PRKD1: variants seen among roughly 807,000 people sequenced by gnomAD.
PRKD1 encodes the protein protein kinase D1.
A neutral mutation model predicts 95.9 loss-of-function variants in PRKD1; 63 were observed. That is an observed-to-expected ratio of 0.66 (90% CI 0.54 to 0.81). The LOEUF is 0.81. Ranked by LOEUF, PRKD1 falls within the 30% of genes least tolerant of loss-of-function variation. The probability of loss-of-function intolerance (pLI) is 0.00; values close to 1 mark genes in which losing one functional copy is unlikely to be tolerated. For synonymous variants in PRKD1, 425 were observed against 423.1 expected (o/e 1.00, Z -0.05); for missense variants, 1,048 against 1,165.3 (o/e 0.90, Z 1.47).
At chr14:29,643,534 T>C (rs1880935328) in intron 4 of PRKD1, among the ~76,000 whole-genome samples, 2 of 152,334 alleles carry the variant, frequency 1.3e-5, no homozygotes, top group South Asian at 4.1e-4. Context: ...ATTTGTTTTT[T>C]AACCTAGTGT....
At chr14:29,826,130 A>C (rs12587158) in intron 1 of PRKD1, among the ~76,000 whole-genome samples, 109,284 of 147,512 alleles carry the variant, frequency 0.74, 40,592 homozygotes, top group Middle Eastern at 0.8. Context: ...GTCTCTCTCT[A>C]TATATATATA....
At chr14:29,745,634 AATT>A (rs750157850) in intron 1 of PRKD1, among the ~76,000 whole-genome samples, 1 of 151,328 alleles carries the variant, frequency 6.6e-6, no homozygotes, top group African/African-American at 2.4e-5. Flanking sequence ...ATGCCCAACT[AATT>A]ATTATTATTA....
chr14:29,716,500 C>T (rs1337040109), intron 2 of PRKD1, among the ~76,000 whole-genome samples: 2 of 152,124 alleles, frequency 1.3e-5, no homozygotes, highest in African/African-American at 2.4e-5. Context: ...TCAGCCAGAC[C>T]TCAGGATATC....
chr14:29,674,099 T>G (rs1362215423), intron 2 of PRKD1, among the ~76,000 whole-genome samples: 1 of 152,156 alleles, frequency 6.6e-6, no homozygotes, highest in Non-Finnish European at 1.5e-5. Context: ...ATGAAGTGTA[T>G]GGGCTTTGTG....
At chr14:29,858,809 T>C (rs1482907477) in intron 1 of PRKD1, among the ~76,000 whole-genome samples, 1 of 152,270 alleles carries the variant, frequency 6.6e-6, no homozygotes, top group African/African-American at 2.4e-5. Context: ...CTCATTTCTT[T>C]TTCCATAGGA....
chr14:29,743,491 C>T (rs2139438879), intron 1 of PRKD1, among the ~76,000 whole-genome samples: 1 of 152,272 alleles, frequency 6.6e-6, no homozygotes, highest in African/African-American at 2.4e-5. Flanking sequence ...TTTGATGTCT[C>T]ACTCTAAATT....
chr14:29,647,729 C>A (rs192326218), intron 4 of PRKD1, among the ~76,000 whole-genome samples: 1 of 152,270 alleles, frequency 6.6e-6, no homozygotes, highest in African/African-American at 2.4e-5. Flanking sequence ...TCAAAAATGG[C>A]CCATAAGGAT....
At chr14:29,788,587 T>C (rs1448996479) in intron 1 of PRKD1, among the ~76,000 whole-genome samples, 2 of 152,196 alleles carry the variant, frequency 1.3e-5, no homozygotes, top group Admixed American at 6.5e-5. Flanking sequence ...ATATATTATG[T>C]AGGCTTTCTT....
intron 1 of PRKD1, among the ~76,000 whole-genome samples, chr14:29,879,372 G>A (rs1383609514): frequency 6.6e-5 from 10 of 152,260 alleles, no homozygotes; most frequent in Non-Finnish European, 1.5e-5. Flanking sequence ...GAAATCTGGT[G>A]GGTTTATCAG....
At chr14:29,808,603 T>C (rs966273055) in intron 1 of PRKD1, among the ~76,000 whole-genome samples, 5 of 151,842 alleles carry the variant, frequency 3.3e-5, no homozygotes, top group African/African-American at 1.2e-4. Flanking sequence ...TTTCACCATA[T>C]TGGCCAGGCT....
intron 1 of PRKD1, among the ~76,000 whole-genome samples, chr14:29,790,007 CTTT>C (rs34880091): frequency 2.1e-5 from 2 of 97,308 alleles, no homozygotes; most frequent in Non-Finnish European, 1.9e-5. Flanking sequence ...AGCAAGTTGT[CTTT>C]TTTTTTTTTT....
intron 2 of PRKD1, among the ~76,000 whole-genome samples, chr14:29,683,857 A>T (rs559222396): frequency 6.6e-6 from 1 of 152,382 alleles, no homozygotes; most frequent in South Asian, 2.1e-4. Flanking sequence ...TCAATCAACA[A>T]ATAAGAAATC....
chr14:29,847,290 G>T (rs888267956), intron 1 of PRKD1, among the ~76,000 whole-genome samples: 1 of 152,118 alleles, frequency 6.6e-6, no homozygotes, highest in African/African-American at 2.4e-5. Flanking sequence ...ACCCATAAAT[G>T]CTAAACAACT....
chr14:29,884,468 T>C (rs1860713207), intron 1 of PRKD1, among the ~76,000 whole-genome samples: 1 of 152,200 alleles, frequency 6.6e-6, no homozygotes, highest in Non-Finnish European at 1.5e-5. Context: ...TTCTGCAATT[T>C]ATGATCCATA....
At chr14:29,581,242 A>T (rs1417379916) in intron 16 of PRKD1, among the ~76,000 whole-genome samples, 1 of 152,068 alleles carries the variant, frequency 6.6e-6, no homozygotes, top group East Asian at 1.9e-4. Flanking sequence ...TTTAATAGTC[A>T]CTAGCTCTAC....
chr14:29,908,140 C>CAAA (rs200786245), intron 1 of PRKD1, among the ~76,000 whole-genome samples: 13 of 65,222 alleles, frequency 2.0e-4, no homozygotes, highest in African/African-American at 2.5e-4. Flanking sequence ...AAAGACAAAG[C>CAAA]AAAAAAAAAA....
At chr14:29,631,505 T>A (rs1424802567) in intron 9 of PRKD1, among the ~76,000 whole-genome samples, 2 of 151,990 alleles carry the variant, frequency 1.3e-5, no homozygotes, top group African/African-American at 4.8e-5. Flanking sequence ...ATGGTCTTTT[T>A]TTTTTTTTTT....
At chr14:29,754,548 A>G (rs529971225) in intron 1 of PRKD1, among the ~76,000 whole-genome samples, 1 of 152,212 alleles carries the variant, frequency 6.6e-6, no homozygotes, top group East Asian at 1.9e-4. Context: ...TTTTCCATAT[A>G]GTAAAACAAT....
At chr14:29,656,474 A>AC (rs1402947265) in intron 4 of PRKD1, 1 of 1,535,022 alleles carries the variant, frequency 6.5e-7, no homozygotes, top group African/African-American at 1.4e-5. Context: ...ATTAGTACCT[A>AC]CCTCAAAGCC....
Sources: allele counts gnomAD v4.1 joint callset (sites outside exome capture counted in the v4.1 genomes callset), GRCh38; gene constraint gnomAD v4.1.1; transcripts MANE v1.5; gene names NCBI Gene and HGNC (gene_info 2026-07-23, HGNC 2026-07-21).